THSD7B: variants seen among roughly 807,000 people sequenced by gnomAD.
THSD7B encodes the protein thrombospondin type 1 domain containing 7B.
THSD7B carries 138 observed loss-of-function variants against 213.6 expected under a neutral mutation model. The observed-to-expected ratio is 0.65, with a 90% CI of 0.56 to 0.74. The LOEUF (loss-of-function observed/expected upper bound fraction) is 0.74, where lower values mean the gene tolerates loss of function less well. Ranked by LOEUF, THSD7B falls within the 30% of genes least tolerant of loss-of-function variation. The probability of loss-of-function intolerance (pLI) is 0.00; values close to 1 mark genes in which losing one functional copy is unlikely to be tolerated. For synonymous variants in THSD7B, 742 were observed against 687.0 expected (o/e 1.08, Z -1.25); for missense variants, 1,931 against 1,991.5 (o/e 0.97, Z 0.58).
chr2:137,641,532 GTAAT>G (rs1682937019), intron 20 of THSD7B, among the ~76,000 whole-genome samples: 1 of 152,110 alleles, frequency 6.6e-6, no homozygotes, highest in African/African-American at 2.4e-5. Context: ...ATAACTAATA[GTAAT>G]TAAATTATAT....
intron 12 of THSD7B, among the ~76,000 whole-genome samples, chr2:137,292,418 CT>C (rs1195544707): frequency 2.0e-5 from 3 of 152,086 alleles, no homozygotes; most frequent in African/African-American, 7.2e-5. Context: ...TTCTGAAACA[CT>C]TGTGTAGACT....
chr2:137,548,587 A>G (rs1458860249), intron 15 of THSD7B, among the ~76,000 whole-genome samples: 1 of 151,960 alleles, frequency 6.6e-6, no homozygotes, highest in Non-Finnish European at 1.5e-5. Flanking sequence ...ATTTTACATC[A>G]TTACATTTTC....
At chr2:137,315,707 G>C (rs1684081306) in intron 12 of THSD7B, among the ~76,000 whole-genome samples, 1 of 152,014 alleles carries the variant, frequency 6.6e-6, no homozygotes, top group African/African-American at 2.4e-5. Context: ...ACTGTGTTTA[G>C]ATGGAATATA....
chr2:137,616,296 A>G lies in THSD7B; in HGVS notation c.3545A>G (p.Gln1182Arg). ...QPCLLNENCFQFQYNLTEWST... is the reference protein window; with the variant it reads ...QPCLLNENCFRFQYNLTEWST... Reference sequence around the variant, plus strand: ...TGCCTCCTGAATGAAAATTGCTTCCAGTTCCAGTACAATCTAACAGGTACA... The same window carrying G: ...TGCCTCCTGAATGAAAATTGCTTCCGGTTCCAGTACAATCTAACAGGTACA... Residue 1182 changes from glutamine to arginine, a missense_variant, in exon 18 of 28, where the codon CAG (glutamine) becomes CGG (arginine). Transcript: ENST00000409968. The G allele has an allele frequency of 6.2e-7, 1 of 1,613,746 alleles. No homozygotes were observed. The highest frequency in any genetic ancestry group is 8.5e-7 in the Non-Finnish European group (1 of 1,179,716).
At chr2:137,282,619 A>G (rs1334960182) in intron 12 of THSD7B, among the ~76,000 whole-genome samples, 2 of 152,208 alleles carry the variant, frequency 1.3e-5, no homozygotes, top group Non-Finnish European at 2.9e-5. Context: ...AGCTTTCTAC[A>G]TATGGCTAGC....
chr2:136,818,597 A>G (rs925071052), intron 1 of THSD7B, among the ~76,000 whole-genome samples: 2 of 152,168 alleles, frequency 1.3e-5, no homozygotes, highest in Non-Finnish European at 2.9e-5. Context: ...AAGAGTGCTG[A>G]ATTATGTTCA....
At chr2:136,965,965 T>C (rs1027285275) in intron 2 of THSD7B, among the ~76,000 whole-genome samples, 22 of 152,218 alleles carry the variant, frequency 1.4e-4, no homozygotes, top group Non-Finnish European at 8.8e-5. Context: ...GTTCTTCTGC[T>C]GACCTAATAT....
chr2:137,470,269 G>T (rs1382807373), intron 15 of THSD7B, among the ~76,000 whole-genome samples: 1 of 152,088 alleles, frequency 6.6e-6, no homozygotes, highest in Non-Finnish European at 1.5e-5. Flanking sequence ...TTTCACCAAG[G>T]TTTAATCTCT....
intron 12 of THSD7B, among the ~76,000 whole-genome samples, chr2:137,376,964 AG>A (rs1685670717): frequency 6.6e-6 from 1 of 152,204 alleles, no homozygotes; most frequent in Non-Finnish European, 1.5e-5. Flanking sequence ...GGAAGGAAAA[AG>A]AACACTCATT....
At chr2:137,496,622 C>T (rs965102603) in intron 15 of THSD7B, among the ~76,000 whole-genome samples, 2 of 152,136 alleles carry the variant, frequency 1.3e-5, no homozygotes, top group African/African-American at 4.8e-5. Context: ...CGTTTAAAAA[C>T]CACGGGCAAT....
chr2:137,080,811 G>A (rs1407556807), intron 3 of THSD7B, among the ~76,000 whole-genome samples: 1 of 151,794 alleles, frequency 6.6e-6, no homozygotes, highest in Non-Finnish European at 1.5e-5. Flanking sequence ...CATTCTCATT[G>A]TAATATTTGC....
chr2:136,842,798 G>T (rs370278394), intron 1 of THSD7B, among the ~76,000 whole-genome samples: 13 of 152,300 alleles, frequency 8.5e-5, no homozygotes, highest in East Asian at 7.7e-4. Context: ...CTGACTTTGA[G>T]CAAATAACTT....
intron 6 of THSD7B, among the ~76,000 whole-genome samples, chr2:137,162,687 T>C (rs181965140): frequency 3.9e-5 from 6 of 152,228 alleles, no homozygotes; most frequent in African/African-American, 1.4e-4. Context: ...TCTTTCTTTT[T>C]CTTTCCTTTC....
rs1437859684 is a variant in THSD7B at position 137,394,073 on chromosome 2, A to C, written c.2501-11540A>C. 1.3e-4 allele frequency among the ~76,000 whole-genome samples: 16 copies of C among 126,406 alleles called. 1 individual carries two copies. Among genetic ancestry groups the C allele is most frequent in the African/African-American group, 4.6e-4 (16 of 34,554 alleles). 82.9% of individuals were successfully genotyped at this position (126,406 alleles called of 152,430 possible). ...ATTCTGGATATTAGCCCTTTGTCAG[A>C]TGAGTAGGTTGTGAAAATTTTCTCC... On this transcript the variant is annotated intron_variant, in intron 12 of 27. Transcript: ENST00000409968.
chr2:137,419,291 G>C (rs1173858988), intron 14 of THSD7B, among the ~76,000 whole-genome samples: 1 of 151,406 alleles, frequency 6.6e-6, no homozygotes, highest in African/African-American at 2.4e-5. Context: ...AGTCTGCCAG[G>C]CTGTGCCTGG....
chr2:136,983,358 G>C lies in THSD7B; in HGVS notation c.140-73062G>C, dbSNP rs12621542. ...ACACACACACACACACAGACACACA[G>C]ACACACACACACGCACACACACTCA... On this transcript the variant is annotated intron_variant, in intron 2 of 27. Transcript: ENST00000409968. Among the ~76,000 whole-genome samples the C allele has an allele frequency of 6.4e-3, 670 of 104,934 alleles. 6 individuals carry two copies. Among genetic ancestry groups the C allele is most frequent in the African/African-American group, 0.016 (493 of 31,656 alleles). 68.8% of individuals were successfully genotyped at this position (104,934 alleles called of 152,430 possible).
intron 2 of THSD7B, among the ~76,000 whole-genome samples, chr2:136,892,296 T>G (rs12623009): frequency 6.6e-6 from 1 of 151,896 alleles, no homozygotes; most frequent in Non-Finnish European, 1.5e-5. Flanking sequence ...GTTTTAAAGC[T>G]GCCATGACCC....
At chr2:137,665,859 AC>A (rs1450902252) in intron 26 of THSD7B, among the ~76,000 whole-genome samples, 1 of 152,112 alleles carries the variant, frequency 6.6e-6, no homozygotes, top group Non-Finnish European at 1.5e-5. Flanking sequence ...AATATTTCCA[AC>A]CTATATTGTT....
At chr2:137,239,441 C>T (rs1681851196) in intron 9 of THSD7B, among the ~76,000 whole-genome samples, 1 of 152,172 alleles carries the variant, frequency 6.6e-6, no homozygotes, top group Admixed American at 6.5e-5. Context: ...CCTTCCCTGT[C>T]CCCAACAACC....
Sources: gnomAD v4.1 joint callset for allele counts (sites outside exome capture counted in the v4.1 genomes callset) on GRCh38, gnomAD v4.1.1 for gene constraint, MANE v1.5 for transcripts, NCBI Gene and HGNC (gene_info 2026-07-23, HGNC 2026-07-21) for gene names.